The following UNC5C variants were observed in gnomAD, a reference collection of about 807,000 sequenced individuals.
UNC5C encodes unc-5 netrin receptor C.
A neutral mutation model predicts 99.8 loss-of-function variants in UNC5C; 47 were observed. The ratio of observed to expected loss-of-function variants is 0.47; its 90% CI spans 0.37 to 0.60. UNC5C has a LOEUF of 0.60. Ranked by LOEUF, UNC5C falls within the 20% of genes least tolerant of loss-of-function variation. The pLI is 0.00. For missense variants in UNC5C, 1,062 were observed against 1,165.9 expected, an observed-to-expected ratio of 0.91 and a Z score of 1.30; for synonymous variants, 487 against 452.2, an observed-to-expected ratio of 1.08 and a Z score of -0.98.
At chr4:95,287,563 A>G (rs1036644588) in intron 3 of UNC5C, among the ~76,000 whole-genome samples, 3 of 152,214 alleles carry the variant, frequency 2.0e-5, no homozygotes, top group Non-Finnish European at 4.4e-5. Context: ...TGGAACCACT[A>G]CATTCCCTTC....
chr4:95,286,661 A>AT (rs1253321837), intron 3 of UNC5C, among the ~76,000 whole-genome samples: 5 of 152,042 alleles, frequency 3.3e-5, no homozygotes, highest in Non-Finnish European at 5.9e-5. Context: ...TAGGCATAAG[A>AT]TTTTTTTTCT....
At chr4:95,237,800 T>G (rs1444578573) in intron 7 of UNC5C, among the ~76,000 whole-genome samples, 1 of 152,164 alleles carries the variant, frequency 6.6e-6, no homozygotes, top group Non-Finnish European at 1.5e-5. Flanking sequence ...GTAATCCTGC[T>G]TTGGGAAGCC....
At chr4:95,493,557 T>C in intron 1 of UNC5C, among the ~76,000 whole-genome samples, 1 of 151,404 alleles carries the variant, frequency 6.6e-6, no homozygotes, top group East Asian at 1.9e-4. Flanking sequence ...CAATTTTTTT[T>C]AATCTGGGAA....
chr4:95,189,919 G>A (rs1276645584), intron 12 of UNC5C, among the ~76,000 whole-genome samples: 1 of 152,142 alleles, frequency 6.6e-6, no homozygotes, highest in African/African-American at 2.4e-5. Flanking sequence ...CAGCCATTGT[G>A]GAAGTCAGTG....
chr4:95,200,583 A>G (rs1455370985), intron 12 of UNC5C, among the ~76,000 whole-genome samples: 1 of 152,236 alleles, frequency 6.6e-6, no homozygotes, highest in Non-Finnish European at 1.5e-5. Flanking sequence ...ATGAGTTAAT[A>G]TAAAATATTT....
intron 1 of UNC5C, among the ~76,000 whole-genome samples, chr4:95,438,984 T>C (rs1746871173): frequency 6.6e-6 from 1 of 152,096 alleles, no homozygotes; most frequent in African/African-American, 2.4e-5. Context: ...ATGCTAAGGG[T>C]CTTTCCTTCT....
chr4:95,254,619 A>G (rs1398687817), intron 4 of UNC5C, among the ~76,000 whole-genome samples: 1 of 152,198 alleles, frequency 6.6e-6, no homozygotes, highest in Admixed American at 6.5e-5. Flanking sequence ...GGCTCTGCCC[A>G]CCTATTACCA....
intron 1 of UNC5C, among the ~76,000 whole-genome samples, chr4:95,426,229 T>C (rs139235575): frequency 2.6e-5 from 4 of 152,360 alleles, no homozygotes; most frequent in African/African-American, 9.6e-5. Flanking sequence ...ATGGTGATCT[T>C]TGATCAGTGA....
At chr4:95,482,508 G>A (rs1721191051) in intron 1 of UNC5C, among the ~76,000 whole-genome samples, 2 of 147,396 alleles carry the variant, frequency 1.4e-5, no homozygotes, top group African/African-American at 2.5e-5. Context: ...CCCATTACTG[G>A]GTATATACCC....
chr4:95,176,806 C>T (rs1736370918), intron 14 of UNC5C, among the ~76,000 whole-genome samples: 1 of 152,234 alleles, frequency 6.6e-6, no homozygotes, highest in African/African-American at 2.4e-5. Flanking sequence ...TTTACCTAAG[C>T]AAGTCTGGGC....
chr4:95,460,911 C>CT lies in UNC5C; in HGVS notation c.124+87822dup, dbSNP rs1361047911. On this transcript the variant is annotated intron_variant, in intron 1 of 15. Coordinates refer to ENST00000453304, the MANE Select transcript of UNC5C (RefSeq NM_003728.4). ...GGAGGAAGCCATCATGTGGTCCATCCTAGAGTTCTAACTGCCACATAGGTA... is the reference window on the plus strand; with the variant it reads ...GGAGGAAGCCATCATGTGGTCCATCCTTAGAGTTCTAACTGCCACATAGGTA... Among the ~76,000 whole-genome samples the CT allele has an allele frequency of 5.3e-5, 8 of 152,256 alleles. No homozygotes were observed. In the East Asian group the frequency reaches 1.2e-3, roughly 22 times the overall value.
chr4:95,249,422 T>C (rs1356859567), intron 5 of UNC5C, among the ~76,000 whole-genome samples: 2 of 152,212 alleles, frequency 1.3e-5, no homozygotes, highest in Non-Finnish European at 2.9e-5. Context: ...GGGGACATCA[T>C]TCTGGAGGTA....
chr4:95,375,645 G>A (rs771324298), intron 1 of UNC5C, among the ~76,000 whole-genome samples: 67 of 152,078 alleles, frequency 4.4e-4, no homozygotes, highest in Non-Finnish European at 7.6e-4. Context: ...TAATAGCAAA[G>A]TACCTATCTT....
intron 1 of UNC5C, among the ~76,000 whole-genome samples, chr4:95,492,382 C>A (rs566465840): frequency 1.3e-5 from 2 of 151,192 alleles, no homozygotes; most frequent in Non-Finnish European, 3.0e-5. Flanking sequence ...TATGTTTCTG[C>A]TTCCTGTTAA....
At chr4:95,499,846 A>G (rs889164350) in intron 1 of UNC5C, among the ~76,000 whole-genome samples, 7 of 152,116 alleles carry the variant, frequency 4.6e-5, no homozygotes, top group Non-Finnish European at 1.0e-4. Context: ...AAAGATAGAT[A>G]TTAAAGAACT....
In UNC5C at chr4:95,309,811, C is replaced by A. The variant is rs371818263; in HGVS notation, c.347-8062G>T. On this transcript the variant is annotated intron_variant, in intron 2 of 15. Coordinates refer to ENST00000453304, the MANE Select transcript of UNC5C (RefSeq NM_003728.4). ...GCAAAGGATATGGGGCAAAGGGAAC[C>A]CTTGCACTCTGTTGGTGGGAATGTA... 3.3e-5 allele frequency among the ~76,000 whole-genome samples: 5 copies of A among 152,030 alleles called. No homozygotes were observed. The East Asian group carries it at 5.8e-4, about 18-fold the overall frequency.
intron 1 of UNC5C, among the ~76,000 whole-genome samples, chr4:95,439,057 C>T (rs1746872810): frequency 6.6e-6 from 1 of 152,102 alleles, no homozygotes; most frequent in Non-Finnish European, 1.5e-5. Context: ...AAAACTCTAT[C>T]AGTGATTTCA....
At chr4:95,491,865 C>T (rs1721502203) in intron 1 of UNC5C, among the ~76,000 whole-genome samples, 4 of 151,378 alleles carry the variant, frequency 2.6e-5, no homozygotes, top group African/African-American at 9.7e-5. Flanking sequence ...AATATGTGTC[C>T]AAACTCTATA....
At chr4:95,341,993 C>A (rs1355695459) in intron 1 of UNC5C, among the ~76,000 whole-genome samples, 1 of 152,144 alleles carries the variant, frequency 6.6e-6, no homozygotes, top group Non-Finnish European at 1.5e-5. Context: ...ACTCACCCAT[C>A]CTTACCGTCA....
Sources: allele counts gnomAD v4.1 joint callset (sites outside exome capture counted in the v4.1 genomes callset), GRCh38; gene constraint gnomAD v4.1.1; transcripts MANE v1.5; gene names NCBI Gene and HGNC (gene_info 2026-07-23, HGNC 2026-07-21).